SYNPO2: variants seen among roughly 807,000 people sequenced by gnomAD.
The protein encoded by SYNPO2 is synaptopodin-2.
A neutral mutation model predicts 85.0 loss-of-function variants in SYNPO2; 56 were observed. That is an observed-to-expected ratio of 0.66 (90% CI 0.53 to 0.82). The LOEUF (loss-of-function observed/expected upper bound fraction) is 0.82, where lower values mean the gene tolerates loss of function less well. Among genes scored for constraint, SYNPO2 ranks in the 40% least tolerant of loss-of-function variants. SYNPO2 has a pLI of 0.00. For synonymous variants in SYNPO2, 602 were observed against 591.1 expected (o/e 1.02, Z -0.27); for missense variants, 1,575 against 1,534.2 (o/e 1.03, Z -0.44).
At chr4:118,915,166 A>C (rs1733271901) in intron 1 of SYNPO2, among the ~76,000 whole-genome samples, 1 of 152,090 alleles carries the variant, frequency 6.6e-6, no homozygotes, top group South Asian at 2.1e-4. Flanking sequence ...TATAATTCTT[A>C]GTTCATAGCA....
Position 119,030,453 on chromosome 4 carries a change from G to T in SYNPO2, c.1678G>T (p.Gly560Cys), listed in dbSNP as rs746057123. 4.3e-6 allele frequency: 7 copies of T among 1,614,070 alleles called. No individual in the cohort carries two copies. In the East Asian group the frequency reaches 1.3e-4, roughly 31 times the overall value. Residue 560 changes from glycine to cysteine, a missense_variant, in exon 4 of 5, where the codon GGT (glycine) becomes TGT (cysteine). Coordinates refer to ENST00000307142, the MANE Select transcript of SYNPO2 (RefSeq NM_133477.3). ...VSKSYIEVSH[G>C]LGHVPQQNGF... is the part of the protein sequence containing the mutation. ...CAAAAGCTACATCGAGGTGAGTCAT[G>T]GTCTTGGCCATGTTCCCCAACAGAA...
At chr4:119,001,964 T>G (rs1177762135) in intron 1 of SYNPO2, among the ~76,000 whole-genome samples, 1 of 152,226 alleles carries the variant, frequency 6.6e-6, no homozygotes. Flanking sequence ...TAAATAGTTC[T>G]GTTACCCTTC....
intron 1 of SYNPO2, among the ~76,000 whole-genome samples, chr4:118,973,703 A>G (rs1230964433): frequency 6.6e-6 from 1 of 152,106 alleles, no homozygotes; most frequent in East Asian, 1.9e-4. Flanking sequence ...AAAAGAACCC[A>G]CCATAAATAG....
intron 1 of SYNPO2, among the ~76,000 whole-genome samples, chr4:118,869,747 C>G (rs1731769238): frequency 6.6e-6 from 1 of 152,142 alleles, no homozygotes; most frequent in Non-Finnish European, 1.5e-5. Context: ...GATTTGTCAG[C>G]AAATATTTTT....
intron 1 of SYNPO2, among the ~76,000 whole-genome samples, chr4:118,879,607 C>A (rs982681641): frequency 6.6e-6 from 1 of 152,164 alleles, no homozygotes; most frequent in Non-Finnish European, 1.5e-5. Flanking sequence ...GCTGCCAGAC[C>A]TGTGGGAAAC....
At chr4:119,015,711 TA>T (rs2149181423) in intron 1 of SYNPO2, among the ~76,000 whole-genome samples, 1 of 152,330 alleles carries the variant, frequency 6.6e-6, no homozygotes, top group Non-Finnish European at 1.5e-5. Context: ...ATCAGTCTGC[TA>T]AAAATGATAT....
At chr4:119,055,732 G>A (rs1166088331) in intron 4 of SYNPO2, among the ~76,000 whole-genome samples, 2 of 152,062 alleles carry the variant, frequency 1.3e-5, no homozygotes, top group Non-Finnish European at 2.9e-5. Flanking sequence ...AATTATGAGT[G>A]GTTCTGAATT....
At chr4:119,001,810 C>T (rs966729430) in intron 1 of SYNPO2, among the ~76,000 whole-genome samples, 6 of 152,008 alleles carry the variant, frequency 3.9e-5, no homozygotes, top group African/African-American at 1.4e-4. Flanking sequence ...TTACCTTTGT[C>T]TAGTTTTCTT....
intron 4 of SYNPO2, among the ~76,000 whole-genome samples, chr4:119,038,923 A>ATTGTTAT (rs1738622289): frequency 6.7e-6 from 1 of 150,158 alleles, no homozygotes; most frequent in African/African-American, 2.5e-5. Flanking sequence ...TTTATATATC[A>ATTGTTAT]TTGTTATTTT....
At chr4:119,043,059 T>TTGG (rs1267023240) in intron 4 of SYNPO2, 1 of 152,732 alleles carries the variant, frequency 6.5e-6, no homozygotes, top group Non-Finnish European at 1.5e-5. Flanking sequence ...GTTTGGTTGG[T>TTGG]TGTTTTTTTT....
At position 119,030,448 on chromosome 4, in the gene SYNPO2, G is replaced by A. The variant is rs1738179704; in HGVS notation, c.1673G>A (p.Ser558Asn). The change falls in exon 4 of 5, where the codon AGT (serine) becomes AAT (asparagine). Residue 558 changes from serine (S) to asparagine (N), a missense_variant. Transcript: ENST00000307142. ...SSVSKSYIEV[S>N]HGLGHVPQQN... ...GTGAGCAAAAGCTACATCGAGGTGA[G>A]TCATGGTCTTGGCCATGTTCCCCAA... The A allele has an allele frequency of 1.2e-6, 2 of 1,614,062 alleles. No homozygotes were observed. The highest frequency in any genetic ancestry group is 2.7e-5 in the African/African-American group (2 of 74,906).
chr4:119,011,890 T>G (rs984524345), intron 1 of SYNPO2, among the ~76,000 whole-genome samples: 5 of 151,778 alleles, frequency 3.3e-5, no homozygotes, highest in Non-Finnish European at 7.4e-5. Flanking sequence ...GGCAAAGATT[T>G]TCTTCTCCCC....
intron 4 of SYNPO2, chr4:119,036,645 G>T: frequency 1.0e-6 from 1 of 985,466 alleles, no homozygotes; most frequent in Admixed American, 6.1e-5. Flanking sequence ...GTCATCCTAT[G>T]AGCGTCATGC....
At chr4:118,951,989 G>C (rs1285980417) in intron 1 of SYNPO2, among the ~76,000 whole-genome samples, 1 of 152,178 alleles carries the variant, frequency 6.6e-6, no homozygotes, top group Admixed American at 6.5e-5. Flanking sequence ...CAAGTAAGGA[G>C]TCTTAAAAGG....
At chr4:118,949,592 A>C (rs953974290) in intron 1 of SYNPO2, among the ~76,000 whole-genome samples, 10 of 151,180 alleles carry the variant, frequency 6.6e-5, no homozygotes, top group Admixed American at 5.3e-4. Context: ...AAAAAAAAAA[A>C]ACAAAAATTA....
chr4:118,892,634 C>T (rs80178596), intron 1 of SYNPO2, among the ~76,000 whole-genome samples: 3,282 of 152,048 alleles, frequency 0.022, 45 homozygotes, highest in African/African-American at 0.024. Flanking sequence ...AAAATCTTAC[C>T]TGCAATTGAA....
intron 1 of SYNPO2, among the ~76,000 whole-genome samples, chr4:118,915,644 A>G (rs909675009): frequency 1.3e-5 from 2 of 152,166 alleles, no homozygotes; most frequent in African/African-American, 2.4e-5. Flanking sequence ...ACGTGTTACT[A>G]GAACATGTTT....
intron 1 of SYNPO2, among the ~76,000 whole-genome samples, chr4:118,969,880 A>G (rs1458969755): frequency 6.6e-6 from 1 of 152,062 alleles, no homozygotes; most frequent in African/African-American, 2.4e-5. Context: ...TAAAAAGTAG[A>G]CTGAAGTGTA....
At chr4:118,886,306 G>A (rs536081746), upstream of SYNPO2, among the ~76,000 whole-genome samples, 1 of 152,068 alleles carries the variant, frequency 6.6e-6, no homozygotes, top group Non-Finnish European at 1.5e-5. Context: ...TGTTACATAG[G>A]TATACATGTG....
Sources: gnomAD v4.1 joint callset for allele counts (sites outside exome capture counted in the v4.1 genomes callset) on GRCh38, gnomAD v4.1.1 for gene constraint, MANE v1.5 for transcripts, NCBI Gene and HGNC (gene_info 2026-07-23, HGNC 2026-07-21) for gene names.